The following ZSCAN25 variants were observed in gnomAD, a reference collection of about 807,000 sequenced individuals.
ZSCAN25 encodes the protein zinc finger and SCAN domain-containing protein 25.
A neutral mutation model predicts 38.7 loss-of-function variants in ZSCAN25; 27 were observed. The ratio of observed to expected loss-of-function variants is 0.70; its 90% CI spans 0.51 to 0.96. The LOEUF (loss-of-function observed/expected upper bound fraction) is 0.96. ZSCAN25 is among the 40% of genes least tolerant of loss of function. ZSCAN25 has a pLI of 0.00. For synonymous variants in ZSCAN25, 273 were observed against 277.7 expected, an observed-to-expected ratio of 0.98 and a Z score of 0.17; for missense variants, 637 against 705.9, an observed-to-expected ratio of 0.90 and a Z score of 1.11.
the ZSCAN25 span, among the ~76,000 whole-genome samples, chr7:99,637,996 TCA>T: frequency 6.6e-6 from 1 of 152,132 alleles, no homozygotes; most frequent in Non-Finnish European, 1.5e-5. Flanking sequence ...CTGCTGGAAG[TCA>T]ACAAGAGCAT....
the ZSCAN25 span, among the ~76,000 whole-genome samples, chr7:99,643,204 G>A: frequency 6.6e-6 from 1 of 152,032 alleles, no homozygotes; most frequent in Non-Finnish European, 1.5e-5. Flanking sequence ...GTTGCATTAT[G>A]TGCAGGATGA....
the ZSCAN25 span, among the ~76,000 whole-genome samples, chr7:99,686,497 A>G: frequency 6.6e-5 from 10 of 152,162 alleles, no homozygotes; most frequent in Admixed American, 6.5e-4. Context: ...AAGGTAAACA[A>G]AGCAGCTGGG....
rs1173771897 is a variant in ZSCAN25 at position 99,630,701 on chromosome 7, G to A, written c.*681G>A. 1 of 971,414 alleles carries A rather than the reference G, an allele frequency of 1.0e-6. No homozygotes were observed. Among genetic ancestry groups the A allele is most frequent in the African/African-American group, 2.2e-5 (1 of 45,548 alleles). The allele number at this position is 971,414 out of a possible 1,614,324, so 60.2% of individuals were successfully genotyped here. On this transcript the variant is annotated 3_prime_UTR_variant, in exon 8 of 8. Coordinates refer to ENST00000394152, the MANE Select transcript of ZSCAN25 (RefSeq NM_145115.3). ...CAACTGTGTGAATTTTACATTATTT[G>A]GAGCCTCATCTGTGTCAGGCTATAA... is the stretch of plus-strand genomic sequence containing the variant.
chr7:99,713,779 A>G, the ZSCAN25 span, among the ~76,000 whole-genome samples: 926 of 152,266 alleles, frequency 6.1e-3, 8 homozygotes, highest in Middle Eastern at 0.065. Flanking sequence ...CCTGGTCCTA[A>G]CTGCATACCC....
chr7:99,729,633 A>T, the ZSCAN25 span, among the ~76,000 whole-genome samples: 2 of 152,154 alleles, frequency 1.3e-5, no homozygotes, highest in African/African-American at 4.8e-5. Context: ...ACATTCCATT[A>T]TGACTTGTTC....
At chr7:99,715,169 G>A in the ZSCAN25 span, among the ~76,000 whole-genome samples, 1 of 152,208 alleles carries the variant, frequency 6.6e-6, no homozygotes, top group Non-Finnish European at 1.5e-5. Flanking sequence ...CAACCAATAA[G>A]TTGAAGTAGA....
At chr7:99,674,583 AC>A in the ZSCAN25 span, 2 of 1,612,906 alleles carry the variant, frequency 1.2e-6, no homozygotes, top group African/African-American at 1.3e-5. Flanking sequence ...ATTTCCAGAG[AC>A]CCTGGGAGAG....
the ZSCAN25 span, among the ~76,000 whole-genome samples, chr7:99,720,003 A>T: frequency 6.6e-6 from 1 of 151,642 alleles, no homozygotes; most frequent in Non-Finnish European, 1.5e-5. Flanking sequence ...TCCGAAAAAC[A>T]AACAACAAAC....
the ZSCAN25 span, chr7:99,674,386 A>T: frequency 2.2e-3 from 1,256 of 564,972 alleles, 7 homozygotes; most frequent in African/African-American, 0.021. Context: ...CCAAGTAATT[A>T]TCCTCTTCTT....
At chr7:99,634,680 C>T (rs937051519), downstream of ZSCAN25, among the ~76,000 whole-genome samples, 1 of 152,190 alleles carries the variant, frequency 6.6e-6, no homozygotes, top group African/African-American at 2.4e-5. Context: ...ACCTGTAGTC[C>T]TAGCTACTTG....
chr7:99,705,484 G>T, the ZSCAN25 span: 1 of 1,612,790 alleles, frequency 6.2e-7, no homozygotes, highest in Non-Finnish European at 8.5e-7. Flanking sequence ...GAGCAAACCA[G>T]AAGTCCTTAG....
chr7:99,638,484 C>T, the ZSCAN25 span: 9 of 1,500,412 alleles, frequency 6.0e-6, no homozygotes, highest in Admixed American at 1.7e-5. Flanking sequence ...CTCATCGGTG[C>T]GGTGGCAGTC....
At chr7:99,731,936 TAAG>T in the ZSCAN25 span, among the ~76,000 whole-genome samples, 1 of 152,200 alleles carries the variant, frequency 6.6e-6, no homozygotes, top group Non-Finnish European at 1.5e-5. Context: ...GAATCACAAC[TAAG>T]AACAAGGACA....
At chr7:99,676,105 AG>A in the ZSCAN25 span, 1 of 1,612,368 alleles carries the variant, frequency 6.2e-7, no homozygotes, top group African/African-American at 1.3e-5. Context: ...AGGAAGCTCA[AG>A]CAACTCACCT....
chr7:99,683,493 C>G, the ZSCAN25 span, among the ~76,000 whole-genome samples: 1 of 152,182 alleles, frequency 6.6e-6, no homozygotes, highest in African/African-American at 2.4e-5. Context: ...AGGATTCCTG[C>G]TAGTTTTCTC....
chr7:99,664,486 A>G, the ZSCAN25 span, among the ~76,000 whole-genome samples: 1 of 152,228 alleles, frequency 6.6e-6, no homozygotes, highest in Non-Finnish European at 1.5e-5. Context: ...TATGTACATC[A>G]ACTTCCATGG....
chr7:99,665,273 G>A, the ZSCAN25 span: 1 of 1,614,084 alleles, frequency 6.2e-7, no homozygotes, highest in Admixed American at 1.7e-5. Context: ...CACTCCAAAT[G>A]ATGTGCCAGT....
the ZSCAN25 span, among the ~76,000 whole-genome samples, chr7:99,722,917 T>C: frequency 2.6e-5 from 4 of 152,268 alleles, no homozygotes; most frequent in South Asian, 8.3e-4. Context: ...AATGACAAAG[T>C]GGACTCGCTT....
At chr7:99,675,798 A>G in the ZSCAN25 span, among the ~76,000 whole-genome samples, 4 of 147,114 alleles carry the variant, frequency 2.7e-5, no homozygotes, top group African/African-American at 1.0e-4. Flanking sequence ...GGTTCATACA[A>G]TCCTCCCACC....
Sources: allele counts gnomAD v4.1 joint callset (sites outside exome capture counted in the v4.1 genomes callset), GRCh38; gene constraint gnomAD v4.1.1; transcripts MANE v1.5; gene names NCBI Gene and HGNC (gene_info 2026-07-23, HGNC 2026-07-21).